The following CDKAL1 variants were observed in gnomAD, a reference collection of about 807,000 sequenced individuals.
CDKAL1 encodes the protein CDKAL1 threonylcarbamoyladenosine tRNA methylthiotransferase.
CDKAL1 carries 32 observed loss-of-function variants against 68.2 expected under a neutral mutation model. The ratio of observed to expected loss-of-function variants is 0.47; its 90% confidence interval spans 0.35 to 0.63. The LOEUF (loss-of-function observed/expected upper bound fraction) is 0.63. CDKAL1 is among the 30% of genes least tolerant of loss of function. The probability of loss-of-function intolerance (pLI) is 0.00; values close to 1 mark genes in which losing one functional copy is unlikely to be tolerated. For synonymous variants in CDKAL1, 234 were observed against 244.3 expected (o/e 0.96, Z 0.39); for missense variants, 606 against 696.7 (o/e 0.87, Z 1.47).
intron 8 of CDKAL1, among the ~76,000 whole-genome samples, chr6:20,792,188 A>G (rs1010543309): frequency 2.0e-5 from 3 of 152,172 alleles, no homozygotes; most frequent in African/African-American, 7.2e-5. Flanking sequence ...AACCCTGACA[A>G]AGCAGAATGT....
intron 5 of CDKAL1, among the ~76,000 whole-genome samples, chr6:20,693,224 A>G (rs1333141957): frequency 6.6e-6 from 1 of 151,150 alleles, no homozygotes; most frequent in Non-Finnish European, 1.5e-5. Flanking sequence ...GTGGTTCTTC[A>G]CAGTCTAAGA....
In CDKAL1 at chr6:21,070,326, A is replaced by C. The variant is rs573578910; in HGVS notation, c.1236+5098A>C. On this transcript the variant is annotated intron_variant, in intron 12 of 15. Transcript: ENST00000274695. ...GTACTGTCTCTGTCCCTTTTAGTCT[A>C]CACTGGCAGTGTGAATTTTTTGTTT... Among the ~76,000 whole-genome samples the C allele has an allele frequency of 4.0e-5, 6 of 150,692 alleles. No homozygotes were observed. The South Asian group carries it at 1.3e-3, about 32-fold the overall frequency.
chr6:20,811,318 C>G (rs914281369), intron 8 of CDKAL1, among the ~76,000 whole-genome samples: 5 of 152,170 alleles, frequency 3.3e-5, no homozygotes, highest in Non-Finnish European at 5.9e-5. Flanking sequence ...CTGCATTTAT[C>G]TTAATTCTGT....
At chr6:20,646,255 C>T (rs1768455110) in intron 4 of CDKAL1, among the ~76,000 whole-genome samples, 1 of 151,642 alleles carries the variant, frequency 6.6e-6, no homozygotes, top group South Asian at 2.1e-4. Context: ...TGGGGTTTCA[C>T]TATCTTGGTC....
At chr6:20,925,039 A>C (rs1763124300) in intron 9 of CDKAL1, among the ~76,000 whole-genome samples, 1 of 152,220 alleles carries the variant, frequency 6.6e-6, no homozygotes, top group African/African-American at 2.4e-5. Flanking sequence ...CTTTTGTGGA[A>C]GGAAGAATCA....
At chr6:20,988,852 G>A (rs899536336) in intron 10 of CDKAL1, among the ~76,000 whole-genome samples, 1 of 150,894 alleles carries the variant, frequency 6.6e-6, no homozygotes, top group Non-Finnish European at 1.5e-5. Flanking sequence ...TAGAGACGGG[G>A]TTTCACCACG....
intron 5 of CDKAL1, among the ~76,000 whole-genome samples, chr6:20,726,667 C>T (rs1271388194): frequency 6.6e-6 from 1 of 152,084 alleles, no homozygotes; most frequent in Non-Finnish European, 1.5e-5. Context: ...GAGGAAGTCT[C>T]CAGCATAGAC....
At chr6:20,619,693 G>T (rs1351063059) in intron 4 of CDKAL1, among the ~76,000 whole-genome samples, 1 of 152,068 alleles carries the variant, frequency 6.6e-6, no homozygotes, top group African/African-American at 2.4e-5. Flanking sequence ...CAGTTTCATG[G>T]TGTGTCTATG....
At chr6:21,060,053 T>G (rs2150925110) in intron 11 of CDKAL1, among the ~76,000 whole-genome samples, 1 of 152,300 alleles carries the variant, frequency 6.6e-6, no homozygotes, top group East Asian at 1.9e-4. Context: ...AGGGTAATGC[T>G]GGACTCTTAA....
At chr6:20,634,977 CAAAAA>C (rs142659533) in intron 4 of CDKAL1, among the ~76,000 whole-genome samples, 23,543 of 100,000 alleles carry the variant, frequency 0.24, 2,003 homozygotes, top group East Asian at 0.4. Context: ...AACCCCGTCT[CAAAAA>C]AAAAAAAAAA....
chr6:20,969,053 C>T (rs79234979), intron 10 of CDKAL1, among the ~76,000 whole-genome samples: 11,101 of 152,156 alleles, frequency 0.073, 496 homozygotes, highest in East Asian at 0.19. Flanking sequence ...CTCTGGAAAT[C>T]GGATTCTTCT....
At chr6:20,826,524 G>C (rs1056183658) in intron 8 of CDKAL1, among the ~76,000 whole-genome samples, 1 of 152,080 alleles carries the variant, frequency 6.6e-6, no homozygotes, top group African/African-American at 2.4e-5. Flanking sequence ...GCACACGAGT[G>C]TCTGACTCGC....
At chr6:21,100,801 C>T (rs540224428) in intron 12 of CDKAL1, among the ~76,000 whole-genome samples, 20 of 151,886 alleles carry the variant, frequency 1.3e-4, no homozygotes, top group Non-Finnish European at 2.6e-4. Flanking sequence ...TTCCCTTCTT[C>T]TCATTGATCT....
intron 11 of CDKAL1, among the ~76,000 whole-genome samples, chr6:21,028,647 C>A (rs777486414): frequency 2.0e-5 from 3 of 152,190 alleles, no homozygotes; most frequent in African/African-American, 2.4e-5. Context: ...CCTAAAGGTG[C>A]TATCTCCAAA....
At chr6:20,634,009 A>T (rs76750282) in intron 4 of CDKAL1, among the ~76,000 whole-genome samples, 1 of 152,140 alleles carries the variant, frequency 6.6e-6, no homozygotes, top group African/African-American at 2.4e-5. Flanking sequence ...TAATCTAAAG[A>T]TCTCTTTTAA....
At chr6:20,648,165 G>A (rs1357826494) in intron 4 of CDKAL1, among the ~76,000 whole-genome samples, 2 of 144,278 alleles carry the variant, frequency 1.4e-5, no homozygotes, top group Non-Finnish European at 3.0e-5. Context: ...TTGCTCCATC[G>A]CACAGGCTGG....
chr6:20,624,494 A>G (rs1006672057), intron 4 of CDKAL1, among the ~76,000 whole-genome samples: 1 of 151,964 alleles, frequency 6.6e-6, no homozygotes, highest in African/African-American at 2.4e-5. Context: ...ACCATTTTAT[A>G]TACATGTGAA....
Position 20,960,579 on chromosome 6 carries a change from C to T in CDKAL1, c.909+4994C>T, listed in dbSNP as rs182398899. ...TATCATAAGGGAGATGTTGTCTTAT[C>T]CATCTTTGTATATCAGTGCCTGTGA... On this transcript the variant is annotated intron_variant, in intron 10 of 15. Coordinates refer to ENST00000274695, the MANE Select transcript of CDKAL1 (RefSeq NM_017774.3). Among the ~76,000 whole-genome samples, 8 of 152,304 alleles carry T rather than the reference C, an allele frequency of 5.3e-5. No individual in the cohort carries two copies. The East Asian group carries it at 1.5e-3, about 29-fold the overall frequency.
chr6:20,847,963 C>T (rs551188686), intron 9 of CDKAL1, among the ~76,000 whole-genome samples: 10 of 152,308 alleles, frequency 6.6e-5, no homozygotes, highest in East Asian at 3.9e-4. Flanking sequence ...CCAAATACCC[C>T]CTAGATGTTT....
Sources: allele counts gnomAD v4.1 joint callset (sites outside exome capture counted in the v4.1 genomes callset), GRCh38; gene constraint gnomAD v4.1.1; transcripts MANE v1.5; gene names NCBI Gene and HGNC (gene_info 2026-07-23, HGNC 2026-07-21).